CCDC88C: variants seen among roughly 807,000 people sequenced by gnomAD.
CCDC88C encodes protein Daple.
Under a neutral mutation model 198.8 loss-of-function variants are expected in CCDC88C, and 131 were observed. That is an observed-to-expected ratio of 0.66 (90% confidence interval 0.57 to 0.76). The LOEUF (loss-of-function observed/expected upper bound fraction) is 0.76, where lower values mean the gene tolerates loss of function less well. CCDC88C is among the 30% of genes least tolerant of loss of function. The pLI is 0.00. For synonymous variants in CCDC88C, 1,166 were observed against 1,114.7 expected, an observed-to-expected ratio of 1.05 and a Z score of -0.92; for missense variants, 2,553 against 2,631.6, an observed-to-expected ratio of 0.97 and a Z score of 0.65.
In CCDC88C at chr14:91,352,162, C is replaced by T. The variant is rs958498907; in HGVS notation, c.340+7480G>A. On this transcript the variant is annotated intron_variant, in intron 4 of 29. Coordinates refer to ENST00000389857, the MANE Select transcript of CCDC88C (RefSeq NM_001080414.4). The surrounding 1 kb of genome is among the most constrained non-coding windows in gnomAD (Gnocchi z 4.2). ...CATCTCTTCCCTCCTCCGCAGACGGCGGTGGCCACAGAGAGTAGGGCTGCT... is the reference window on the plus strand; with the variant it reads ...CATCTCTTCCCTCCTCCGCAGACGGTGGTGGCCACAGAGAGTAGGGCTGCT... 5.9e-5 allele frequency among the ~76,000 whole-genome samples: 9 copies of T among 152,258 alleles called. No individual in the cohort carries two copies. The South Asian group carries it at 1.0e-3, about 17-fold the overall frequency.
chr14:91,399,831 T>C (rs1279615332), intron 3 of CCDC88C, among the ~76,000 whole-genome samples: 16 of 106,944 alleles, frequency 1.5e-4, no homozygotes, highest in Non-Finnish European at 1.9e-4. Context: ...AGAGTGAGAC[T>C]CCCTCTCAAA....
intron 3 of CCDC88C, among the ~76,000 whole-genome samples, chr14:91,363,808 C>T (rs977224189): frequency 6.6e-5 from 10 of 152,256 alleles, no homozygotes; most frequent in South Asian, 2.1e-4. Flanking sequence ...TGCCCTCCCC[C>T]GCGGGGAATG....
chr14:91,391,900 T>C (rs145106443), intron 3 of CCDC88C, among the ~76,000 whole-genome samples: 51 of 152,346 alleles, frequency 3.3e-4, no homozygotes, highest in African/African-American at 1.2e-3. Flanking sequence ...GAAAGTCCGC[T>C]TTCCAGCTAC....
intron 21 of CCDC88C, 113 bp downstream of exon 21, chr14:91,299,814 G>A: frequency 1.5e-6 from 2 of 1,352,126 alleles, no homozygotes; most frequent in East Asian, 2.6e-5. Context: ...CACAGCAAGG[G>A]ATAAAAATCC....
At chr14:91,342,514 G>T in intron 5 of CCDC88C, 51 bp from the exon 6 acceptor site, 3 of 1,176,554 alleles carry the variant, frequency 2.5e-6, no homozygotes, top group South Asian at 1.3e-5. Context: ...TGAGGGTGAA[G>T]CTGAGTCCAC....
Position 91,394,767 on chromosome 14 carries a change from C to T in CCDC88C, c.270+13892G>A, listed in dbSNP as rs113228637. Among the ~76,000 whole-genome samples the T allele has an allele frequency of 1.9e-3, 294 of 152,266 alleles. 2 individuals are homozygous for T. Among genetic ancestry groups the T allele is most frequent in the Middle Eastern group, 6.8e-3 (2 of 294 alleles). The stretch of plus-strand genomic sequence containing the variant: ...GTAAGTCACTCAGCTTAAAATAAAA[C>T]GATCATACAGGAGAAAAACGTGCAG... On this transcript the variant is annotated intron_variant, in intron 3 of 29. Transcript: ENST00000389857.
intron 13 of CCDC88C, among the ~76,000 whole-genome samples, chr14:91,319,077 C>T (rs1323712048): frequency 6.6e-6 from 1 of 152,190 alleles, no homozygotes; most frequent in Non-Finnish European, 1.5e-5. Context: ...GTTGCCCATC[C>T]TGCATGGCAG....
chr14:91,316,104 G>A (rs1302742300), intron 13 of CCDC88C, among the ~76,000 whole-genome samples: 2 of 152,172 alleles, frequency 1.3e-5, no homozygotes, highest in Non-Finnish European at 2.9e-5. Context: ...CTGTCCTCCT[G>A]GAGACTTCCT....
intron 3 of CCDC88C, among the ~76,000 whole-genome samples, chr14:91,404,875 G>A (rs1886396707): frequency 6.6e-6 from 1 of 151,056 alleles, no homozygotes; most frequent in Non-Finnish European, 1.5e-5. Flanking sequence ...TGAGGCAGGA[G>A]AATGGCATGA....
In CCDC88C at chr14:91,273,372, G is replaced by A; in HGVS notation, c.5340C>T (p.Gly1780=). The A allele has an allele frequency of 1.3e-6, 2 of 1,530,298 alleles. No individual in the cohort carries two copies. 94.8% of individuals were successfully genotyped at this position (1,530,298 alleles called of 1,614,324 possible). Residue 1780 remains glycine (G), a synonymous_variant, in exon 30 of 30, where the codon GGC becomes GGT. Coordinates refer to ENST00000389857, the MANE Select transcript of CCDC88C (RefSeq NM_001080414.4). The surrounding 1 kb of genome is among the most constrained non-coding windows in gnomAD (Gnocchi z 5.6). ...QAQPPQSLSL[G]RPRQAPVPPA... ...GGGGCACCGGAGCCTGCCGGGGTCT[G>A]CCCAGAGACAGGCTCTGGGGAGGCT...
chr14:91,291,333 A>T (rs1380165734), intron 23 of CCDC88C, among the ~76,000 whole-genome samples: 1 of 152,244 alleles, frequency 6.6e-6, no homozygotes, highest in Non-Finnish European at 1.5e-5. Context: ...GAGCGAGCTC[A>T]AGGCAGCAAA....
chr14:91,334,389 G>T (rs1892960876), intron 10 of CCDC88C, among the ~76,000 whole-genome samples: 1 of 152,168 alleles, frequency 6.6e-6, no homozygotes, highest in Admixed American at 6.5e-5. Flanking sequence ...GACCACAGCT[G>T]CCTGCCACCA....
chr14:91,275,916 G>A (rs1268383127), intron 29 of CCDC88C, among the ~76,000 whole-genome samples: 1 of 142,202 alleles, frequency 7.0e-6, no homozygotes, highest in African/African-American at 2.6e-5. Context: ...CCGCCTCCCG[G>A]GTTCACGCCA....
intron 20 of CCDC88C, 146 bp from the exon 21 acceptor site, chr14:91,300,216 G>T: frequency 1.6e-6 from 2 of 1,228,086 alleles, no homozygotes; most frequent in South Asian, 1.5e-5. Context: ...GCATGGGGCA[G>T]GGAACAGGCG....
intron 25 of CCDC88C, among the ~76,000 whole-genome samples, chr14:91,287,881 C>T (rs754839978): frequency 2.0e-5 from 3 of 152,026 alleles, no homozygotes; most frequent in Admixed American, 6.5e-5. Context: ...AATAATCTCC[C>T]CAAAATGATA....
At chr14:91,286,921 G>A (rs1442064473) in intron 25 of CCDC88C, among the ~76,000 whole-genome samples, 2 of 152,198 alleles carry the variant, frequency 1.3e-5, no homozygotes, top group African/African-American at 4.8e-5. Flanking sequence ...TGATAGGGTC[G>A]TTAGGATTCA....
Position 91,271,548 on chromosome 14 carries a change from G to T in CCDC88C, c.*1077C>A, listed in dbSNP as rs975241014. 2.6e-5 allele frequency: 4 copies of T among 151,964 alleles called. No individual in the cohort carries two copies. Among genetic ancestry groups the T allele is most frequent in the African/African-American group, 9.7e-5 (4 of 41,332 alleles). 9.4% of individuals were successfully genotyped at this position (151,964 alleles called of 1,614,324 possible). ...CACCTTTACAACAGGAAACTAAATT[G>T]TCAGGAATCTGACCAAAGACACAAA... On this transcript the variant is annotated 3_prime_UTR_variant, in exon 30 of 30. Transcript: ENST00000389857.
intron 3 of CCDC88C, among the ~76,000 whole-genome samples, chr14:91,366,166 ACACACACACACACACAC>A (rs1894531271): frequency 7.6e-6 from 1 of 131,826 alleles, no homozygotes; most frequent in African/African-American, 4.1e-5. Flanking sequence ...ACACACACAC[ACACACACACACACACAC>A]ACACACACAC....
chr14:91,354,978 C>A (rs893579506), intron 4 of CCDC88C, among the ~76,000 whole-genome samples: 2 of 152,188 alleles, frequency 1.3e-5, no homozygotes, highest in Non-Finnish European at 2.9e-5. Context: ...CCACACTGAA[C>A]AGGGGCTCAC....
Sources: gnomAD v4.1 joint callset for allele counts (sites outside exome capture counted in the v4.1 genomes callset) on GRCh38, gnomAD v4.1.1 for gene constraint, Gnocchi (gnomAD v3.1) non-coding constraint, MANE v1.5 for transcripts, NCBI Gene and HGNC (gene_info 2026-07-23, HGNC 2026-07-21) for gene names.